BEST1: variants seen among roughly 807,000 people sequenced by gnomAD.
BEST1 encodes bestrophin 1.
A neutral mutation model predicts 63.3 loss-of-function variants in BEST1; 58 were observed. The ratio of observed to expected loss-of-function variants is 0.92; its 90% CI spans 0.74 to 1.14. The LOEUF (loss-of-function observed/expected upper bound fraction) is 1.14. BEST1 is among the 50% of genes most tolerant of loss of function. The probability of loss-of-function intolerance (pLI) is 0.00; values close to 1 mark genes in which losing one functional copy is unlikely to be tolerated. For synonymous variants in BEST1, 283 were observed against 291.6 expected (o/e 0.97, Z 0.30); for missense variants, 671 against 740.1 (o/e 0.91, Z 1.08).
chr11:61,964,119 C>A lies in BEST1; in HGVS notation c.1755C>A (p.Ser585=), dbSNP rs751838445. The stretch of plus-strand genomic sequence containing the variant: ...TTCTCACTAGGGATGAAGCACATTC[C>A]TAACCTGCTTCCTAATGGGGATGCT... ...WALENRDEAH[S] The change falls in exon 11 of 11, where the codon TCC becomes TCA. Residue 585 remains serine, a synonymous_variant. Transcript: ENST00000378043. 6.2e-6 allele frequency: 10 copies of A among 1,614,020 alleles called. No individual in the cohort carries two copies.
chr11:61,957,323 G>A, intron 5 of BEST1, 64 bp from the exon 6 acceptor site: 1 of 1,455,298 alleles, frequency 6.9e-7, no homozygotes, highest in Non-Finnish European at 9.7e-7. Context: ...GAGAAGAGGT[G>A]GGGGCGAGCC....
chr11:61,960,159 T>C, intron 9 of BEST1, 116 bp downstream of exon 9: 1 of 1,335,892 alleles, frequency 7.5e-7, no homozygotes. Context: ...TGTCAGGCAC[T>C]GTACTATGCT....
intron 9 of BEST1, chr11:61,961,380 T>TA (rs1942049429): frequency 1.3e-5 from 2 of 152,290 alleles, no homozygotes; most frequent in East Asian, 3.9e-4. Flanking sequence ...AGTCTATAGA[T>TA]AGTGTGAGGA....
chr11:61,954,672 AGGCT>A (rs1374636313), intron 2 of BEST1: 1 of 438,830 alleles, frequency 2.3e-6, no homozygotes, highest in Non-Finnish European at 3.0e-6. Flanking sequence ...TATGTTGCCC[AGGCT>A]GGTCTTGAAC....
intron 6 of BEST1, 121 bp from the exon 7 acceptor site, chr11:61,958,025 C>CG (rs1941580179): frequency 2.0e-6 from 3 of 1,516,694 alleles, no homozygotes; most frequent in Non-Finnish European, 2.7e-6. Context: ...CCCTAAGTCA[C>CG]ATAAGTGTGC....
chr11:61,953,541 C>G (rs928186913), intron 2 of BEST1, among the ~76,000 whole-genome samples: 4 of 152,188 alleles, frequency 2.6e-5, no homozygotes, highest in African/African-American at 9.7e-5. Context: ...TGAACCCAAT[C>G]TCTACTAAAA....
chr11:61,959,376 G>T, intron 7 of BEST1, 122 bp from the exon 8 acceptor site: 1 of 935,132 alleles, frequency 1.1e-6, no homozygotes, highest in South Asian at 1.4e-5. Context: ...TGCCTTTGAA[G>T]ACAGTGGTCA....
rs1486368863 is a variant in BEST1, at chr11:61,962,593, C to T, written c.1439C>T (p.Pro480Leu). The change falls in exon 10 of 11, where the codon CCC becomes CTC. Residue 480 changes from proline to leucine, a missense_variant. Transcript: ENST00000378043. ...TPLSPTPMFF[P>L]LEPSAPSKLH... Reference sequence around the variant, plus strand: ...CTCAGCCCCACTCCCATGTTCTTCCCCCTAGAACCATCAGCGCCGTCAAAG... The same window carrying T: ...CTCAGCCCCACTCCCATGTTCTTCCTCCTAGAACCATCAGCGCCGTCAAAG... 1 of 1,614,060 alleles carries T rather than the reference C, an allele frequency of 6.2e-7. No individual in the cohort carries two copies. Among genetic ancestry groups the T allele is most frequent in the African/African-American group, 1.3e-5 (1 of 74,924 alleles).
At chr11:61,965,381 A>C (rs41453449), downstream of BEST1, 888 of 1,613,314 alleles carry the variant, frequency 5.5e-4, 5 homozygotes, top group African/African-American at 0.01. Context: ...TGATATCCTG[A>C]AGGAAGATTC....
chr11:61,956,011 G>C, intron 4 of BEST1, 60 bp downstream of exon 4: 3 of 1,474,628 alleles, frequency 2.0e-6, no homozygotes, highest in Non-Finnish European at 2.7e-6. Context: ...AGATGGGCGC[G>C]GCAGGAATGG....
At chr11:61,955,440 G>C in intron 3 of BEST1, 1 of 1,387,424 alleles carries the variant, frequency 7.2e-7, no homozygotes, top group Non-Finnish European at 9.5e-7. Context: ...GGGAAGCGCT[G>C]ACATCATGGT....
At chr11:61,959,150 G>A in intron 7 of BEST1, 1 of 363,278 alleles carries the variant, frequency 2.8e-6, no homozygotes, top group Non-Finnish European at 5.3e-6. Flanking sequence ...CTTTAGTTCA[G>A]CCCAGCTTCA....
At chr11:61,959,374 A>T (rs1941791305) in intron 7 of BEST1, 124 bp from the exon 8 acceptor site, 1 of 920,094 alleles carries the variant, frequency 1.1e-6, no homozygotes. Flanking sequence ...TCTGCCTTTG[A>T]AGACAGTGGT....
Position 61,955,909 on chromosome 11 carries a change from G to A in BEST1, c.439G>A (p.Val147Ile). The A allele has an allele frequency of 6.5e-7, 1 of 1,550,174 alleles. No individual in the cohort carries two copies. Among genetic ancestry groups the A allele is most frequent in the Non-Finnish European group, 8.7e-7 (1 of 1,146,792 alleles). ...VLILRSVSTA[V>I]YKRFPSAQHL... ...CATCCTGCGCAGCGTCAGCACCGCA[G>A]TCTACAAGCGCTTCCCCAGCGCCCA... Residue 147 changes from valine to isoleucine, a missense_variant, in exon 4 of 11, where the codon GTC (valine) becomes ATC (isoleucine). Coordinates refer to ENST00000378043, the MANE Select transcript of BEST1 (RefSeq NM_004183.4).
chr11:61,958,855 T>C, intron 7 of BEST1: 1 of 307,004 alleles, frequency 3.3e-6, no homozygotes, highest in Non-Finnish European at 6.3e-6. Context: ...TCTCTGTCTC[T>C]GCCCTTCCTG....
At chr11:61,951,641 G>A (rs1940668739) in intron 1 of BEST1, 130 bp from the exon 2 acceptor site, 33 of 896,314 alleles carry the variant, frequency 3.7e-5, no homozygotes, top group Non-Finnish European at 5.1e-5. Flanking sequence ...GCAGGGCCTT[G>A]GAGACCACTT....
chr11:61,951,597 T>C (rs531348991), intron 1 of BEST1, among the ~76,000 whole-genome samples, 174 bp from the exon 2 acceptor site: 1 of 152,332 alleles, frequency 6.6e-6, no homozygotes, highest in African/African-American at 2.4e-5. Context: ...GCTCACTTTC[T>C]TGCGTTTCTA....
intron 2 of BEST1, among the ~76,000 whole-genome samples, chr11:61,954,177 A>G (rs1941020147): frequency 6.6e-6 from 1 of 152,140 alleles, no homozygotes; most frequent in Non-Finnish European, 1.5e-5. Flanking sequence ...AGCAAAATTG[A>G]GCAGAAGGTA....
intron 10 of BEST1, chr11:61,963,118 A>G: frequency 6.8e-7 from 1 of 1,460,384 alleles, no homozygotes; most frequent in Non-Finnish European, 9.1e-7. Flanking sequence ...TATCACCCGG[A>G]AGACTTCTTG....
Sources: gnomAD v4.1 joint callset for allele counts (sites outside exome capture counted in the v4.1 genomes callset) on GRCh38, gnomAD v4.1.1 for gene constraint, MANE v1.5 for transcripts, NCBI Gene and HGNC (gene_info 2026-07-23, HGNC 2026-07-21) for gene names.